RSRC2: variants seen among roughly 807,000 people sequenced by gnomAD.
RSRC2 encodes the protein arginine and serine rich coiled-coil 2, also known as arginine/serine-rich coiled-coil protein 2.
A neutral mutation model predicts 61.3 loss-of-function variants in RSRC2; 5 were observed. The observed-to-expected ratio is 0.08, with a 90% confidence interval of 0.04 to 0.17. The LOEUF (loss-of-function observed/expected upper bound fraction) is 0.17, where lower values mean the gene tolerates loss of function less well. Among genes scored for constraint, RSRC2 ranks in the 10% least tolerant of loss-of-function variants. The pLI is 1.00. For synonymous variants in RSRC2, 202 were observed against 166.5 expected (o/e 1.21, Z -1.64); for missense variants, 381 against 518.8 (o/e 0.73, Z 2.58).
intron 2 of RSRC2, 146 bp from the exon 3 acceptor site, chr12:122,521,574 CA>C: frequency 4.4e-6 from 3 of 679,392 alleles, no homozygotes; most frequent in Non-Finnish European, 7.9e-6. Flanking sequence ...GATTATTCTA[CA>C]TTAATACAAC....
At chr12:122,518,228 G>T (rs1007179626) in intron 4 of RSRC2, among the ~76,000 whole-genome samples, 7 of 152,180 alleles carry the variant, frequency 4.6e-5, no homozygotes, top group Admixed American at 4.6e-4. Context: ...AGCCCTGGAG[G>T]ACAAGAGGCT....
chr12:122,511,396 T>C (rs921253037), intron 6 of RSRC2, among the ~76,000 whole-genome samples: 1 of 152,222 alleles, frequency 6.6e-6, no homozygotes, highest in Admixed American at 6.6e-5. Flanking sequence ...ACAGTGGTTT[T>C]AAACATTTTT....
intron 5 of RSRC2, 77 bp downstream of exon 5, chr12:122,517,150 A>C: frequency 1.3e-6 from 2 of 1,589,462 alleles, no homozygotes; most frequent in South Asian, 1.1e-5. Context: ...TCACAATTTT[A>C]ATACTCTCTT....
chr12:122,514,421 C>T (rs1465916462), intron 6 of RSRC2, among the ~76,000 whole-genome samples: 8 of 151,552 alleles, frequency 5.3e-5, no homozygotes, highest in East Asian at 1.9e-4. Context: ...CCTGCCACCA[C>T]GCCCAGCTAA....
At chr12:122,517,578 G>T in intron 4 of RSRC2, 148 bp from the exon 5 acceptor site, 3 of 965,034 alleles carry the variant, frequency 3.1e-6, no homozygotes, top group Non-Finnish European at 4.5e-6. Context: ...GATTTTCAAA[G>T]GAAATACTAA....
At chr12:122,506,628 C>T in intron 9 of RSRC2, 2 of 497,558 alleles carry the variant, frequency 4.0e-6, no homozygotes, top group Non-Finnish European at 7.1e-6. Flanking sequence ...CTCTCTCTCT[C>T]TCCAAGTGTG....
intron 6 of RSRC2, among the ~76,000 whole-genome samples, chr12:122,513,277 A>G (rs1183358579): frequency 1.3e-5 from 2 of 150,868 alleles, no homozygotes; most frequent in Admixed American, 6.6e-5. Flanking sequence ...TAAAAAAAGT[A>G]GGTCACAGAT....
Position 122,508,437 on chromosome 12 carries a change from A to G in RSRC2, c.816T>C (p.Thr272=), listed in dbSNP as rs1565887235. ...CAGCAACATTGAGAACAGAACCTCC[A>G]GTAGCTGCAGCTGCTTGAAGAGAAT... ...KQQEIAAAAA[T]GGSVLNVAAL... The change falls in exon 8 of 10, where the codon ACT becomes ACC. Residue 272 remains threonine, a synonymous_variant. Transcript: ENST00000331738. 2.5e-6 allele frequency: 4 copies of G among 1,613,532 alleles called. No individual in the cohort carries two copies. The highest frequency in any genetic ancestry group is 2.7e-5 in the African/African-American group (2 of 74,924).
Position 122,505,689 on chromosome 12 carries a change from T to A in RSRC2, c.1143A>T (p.Gly381=). 1 of 1,613,678 alleles carries A rather than the reference T, an allele frequency of 6.2e-7. No homozygotes were observed. The highest frequency in any genetic ancestry group is 8.5e-7 in the Non-Finnish European group (1 of 1,179,730). Residue 381 remains glycine, a synonymous_variant, in exon 10 of 10, where the codon GGA becomes GGT. Transcript: ENST00000331738. ...AACTTTCTTCATCAACTGAGCTACA[T>A]CCAGCTTCATCTTCACTCTAAAAAT... ...LMGIKSEDEA[G]CSSVDEESYK...
At chr12:122,518,107 C>A (rs1214998100) in intron 4 of RSRC2, among the ~76,000 whole-genome samples, 1 of 152,012 alleles carries the variant, frequency 6.6e-6, no homozygotes, top group South Asian at 2.1e-4. Context: ...GAATAGCCTG[C>A]ACAACATGGC....
chr12:122,517,454 G>A, intron 4 of RSRC2, 24 bp from the exon 5 acceptor site: 1 of 1,613,490 alleles, frequency 6.2e-7, no homozygotes, highest in East Asian at 2.2e-5. Flanking sequence ...GCACAAATTT[G>A]TAATTACTTA....
intron 7 of RSRC2, 131 bp from the exon 8 acceptor site, chr12:122,508,578 A>T (rs1016284648): frequency 3.8e-5 from 26 of 684,370 alleles, no homozygotes; most frequent in Admixed American, 2.5e-4. Context: ...AATCCAAGGA[A>T]ATGACTGAGT....
intron 5 of RSRC2, among the ~76,000 whole-genome samples, chr12:122,516,458 T>A (rs1158597069): frequency 6.6e-6 from 1 of 152,208 alleles, no homozygotes; most frequent in East Asian, 1.9e-4. Context: ...TTTAGATATA[T>A]CTGAAACCTG....
At position 122,522,299 on chromosome 12, in the gene RSRC2, C is replaced by T. The variant is rs1959332140; in HGVS notation, c.7G>A (p.Ala3Thr). MA[A>T]SDTERDGLAP... ...AGTCCATCTCGCTCTGTATCACTAGCCTAAAAGTTTAAAAACAAATGATTA... is the reference window on the plus strand; with the variant it reads ...AGTCCATCTCGCTCTGTATCACTAGTCTAAAAGTTTAAAAACAAATGATTA... Residue 3 changes from alanine (A) to threonine (T), a missense_variant and splice_region_variant, in exon 2 of 10, where the codon GCT becomes ACT. Ala to Thr is a moderately conservative substitution (Grantham distance 58). Coordinates refer to ENST00000331738, the MANE Select transcript of RSRC2 (RefSeq NM_023012.6). 1 of 1,574,636 alleles carries T rather than the reference C, an allele frequency of 6.4e-7. No homozygotes were observed. Among genetic ancestry groups the T allele is most frequent in the African/African-American group, 1.4e-5 (1 of 72,302 alleles).
In RSRC2 at chr12:122,515,128, A is replaced by G; in HGVS notation, c.702T>C (p.Asp234=). Residue 234 remains aspartate, a synonymous_variant, in exon 6 of 10, where the codon GAT becomes GAC. Transcript: ENST00000331738. ...PPFRGRNTAM[D]AQEALARRLE... is the part of the protein sequence containing the mutation. ...ACCTTCTAGCTAAAGCTTCCTGTGC[A>G]TCCATTGCTGTGTTTCTGCCTCTGA... 6.2e-7 allele frequency: 1 copy of G among 1,614,120 alleles called. No homozygotes were observed. The highest frequency in any genetic ancestry group is 8.5e-7 in the Non-Finnish European group (1 of 1,179,998).
intron 6 of RSRC2, among the ~76,000 whole-genome samples, chr12:122,512,458 C>T (rs1393244607): frequency 1.3e-5 from 2 of 152,180 alleles, no homozygotes; most frequent in East Asian, 1.9e-4. Flanking sequence ...CCCGGCGCCA[C>T]GCCTCTCGCC....
chr12:122,523,989 C>G (rs1959655105), intron 1 of RSRC2, among the ~76,000 whole-genome samples: 1 of 152,114 alleles, frequency 6.6e-6, no homozygotes, highest in African/African-American at 2.4e-5. Flanking sequence ...AATTAACTAC[C>G]AGGGAGGCTC....
rs114765919 is a variant in RSRC2 at position 122,507,040 on chromosome 12, G to C, written c.1036-117C>G. 3.9e-4 allele frequency: 268 copies of C among 687,148 alleles called. 1 individual carries two copies. In the African/African-American group the frequency reaches 4.6e-3, roughly 12 times the overall value. 42.6% of individuals were successfully genotyped at this position (687,148 alleles called of 1,614,324 possible). A position where few individuals can be genotyped will look rare whatever the true frequency, so the allele number is the denominator to read the frequency against. On this transcript the variant is annotated intron_variant, in intron 8 of 9. Coordinates refer to ENST00000331738, the MANE Select transcript of RSRC2 (RefSeq NM_023012.6). ...ACACCATGGATAGCATTCAATCAAT[G>C]TAAGTTTAATTATTTCAAGACTTAA... is the stretch of plus-strand genomic sequence containing the variant.
chr12:122,517,463 TA>T, intron 4 of RSRC2, 33 bp from the exon 5 acceptor site: 1 of 1,613,078 alleles, frequency 6.2e-7, no homozygotes, highest in Non-Finnish European at 8.5e-7. Context: ...TGTAATTACT[TA>T]AAAGTTGTGT....
Sources: gnomAD v4.1 joint callset for allele counts (sites outside exome capture counted in the v4.1 genomes callset) on GRCh38, gnomAD v4.1.1 for gene constraint, MANE v1.5 for transcripts, NCBI Gene and HGNC (gene_info 2026-07-23, HGNC 2026-07-21) for gene names.